Variants in STAMBPL1 observed in about 807,000 individuals in gnomAD.
STAMBPL1 encodes the protein AMSH-like protease.
In STAMBPL1, 44 loss-of-function variants were observed where a neutral mutation model predicts 52.9. The ratio of observed to expected loss-of-function variants is 0.83; its 90% CI spans 0.65 to 1.07. The LOEUF is 1.07. STAMBPL1 is among the 50% of genes least tolerant of loss of function. The pLI, the probability that STAMBPL1 is intolerant of heterozygous loss-of-function variation, is 0.00. For missense variants in STAMBPL1, 511 were observed against 520.8 expected, an observed-to-expected ratio of 0.98 and a Z score of 0.18; for synonymous variants, 164 against 177.3, an observed-to-expected ratio of 0.92 and a Z score of 0.60.
intron 1 of STAMBPL1, among the ~76,000 whole-genome samples, chr10:88,890,121 G>A (rs964954483): frequency 6.6e-6 from 1 of 152,198 alleles, no homozygotes; most frequent in Non-Finnish European, 1.5e-5. Context: ...AACTGAGGAT[G>A]GGGTGCCTTT....
rs193028730 is a variant in STAMBPL1 at position 88,896,079 on chromosome 10, A to T, written c.-53-5577A>T. 2.6e-4 allele frequency among the ~76,000 whole-genome samples: 39 copies of T among 152,338 alleles called. 1 individual carries two copies. Among genetic ancestry groups the T allele is most frequent in the Admixed American group, 2.4e-3 (36 of 15,300 alleles). ...CACCTGGCACCTAGTAAATGATAAT[A>T]TATAGTACTTACAAATATAGGGAAA... On this transcript the variant is annotated intron_variant, in intron 1 of 10. Coordinates refer to ENST00000371926, the MANE Select transcript of STAMBPL1 (RefSeq NM_020799.4).
chr10:88,908,655 A>T (rs751330354), intron 3 of STAMBPL1, 47 bp from the exon 4 acceptor site: 1 of 1,479,096 alleles, frequency 6.8e-7, no homozygotes. Flanking sequence ...AGCATTATTG[A>T]ACTTTTGCTG....
chr10:88,921,611 T>C (rs1305450614), intron 9 of STAMBPL1, among the ~76,000 whole-genome samples: 1 of 152,196 alleles, frequency 6.6e-6, no homozygotes, highest in Non-Finnish European at 1.5e-5. Flanking sequence ...TCAGTTAGCG[T>C]GACTTTGAAG....
intron 1 of STAMBPL1, among the ~76,000 whole-genome samples, chr10:88,882,297 G>A (rs1844425646): frequency 6.6e-6 from 1 of 152,224 alleles, no homozygotes; most frequent in Non-Finnish European, 1.5e-5. Flanking sequence ...TCCTGAGGAT[G>A]TCCTCAATAG....
chr10:88,899,635 TA>T (rs1420801333), intron 1 of STAMBPL1, among the ~76,000 whole-genome samples: 1 of 152,028 alleles, frequency 6.6e-6, no homozygotes, highest in Non-Finnish European at 1.5e-5. Context: ...TCAGCCTCCC[TA>T]GTAGCTGGGA....
At chr10:88,893,862 T>C (rs922386261) in intron 1 of STAMBPL1, 1 of 152,234 alleles carries the variant, frequency 6.6e-6, no homozygotes, top group African/African-American at 2.4e-5. Flanking sequence ...TTTTTCATTC[T>C]TGTCCAAGGC....
intron 1 of STAMBPL1, among the ~76,000 whole-genome samples, chr10:88,883,421 A>C (rs1362714598): frequency 6.6e-6 from 1 of 152,356 alleles, no homozygotes; most frequent in East Asian, 1.9e-4. Context: ...TATTCCACCT[A>C]TCTGAACATG....
At position 88,910,935 on chromosome 10, in the gene STAMBPL1, T is replaced by C. The variant is rs555689928; in HGVS notation, c.344T>C (p.Phe115Ser). ...DIMKKLKEIA[F>S]PRTDELKNDL... ...TAAAAGAAACTGAAGGAGATTGCAT[T>C]CCCAAGGACAGATGAATTGAAAAAC... Residue 115 changes from phenylalanine to serine, a missense_variant, in exon 5 of 11, where the codon TTC becomes TCC. Physicochemically the swap from Phe to Ser is radical, Grantham distance 155 (BLOSUM62 -2). Coordinates refer to ENST00000371926, the MANE Select transcript of STAMBPL1 (RefSeq NM_020799.4). 66 of 1,587,650 alleles carry C rather than the reference T, an allele frequency of 4.2e-5. No individual in the cohort carries two copies. In the South Asian group the frequency reaches 6.8e-4, roughly 16 times the overall value.
chr10:88,893,315 G>T (rs17113989), intron 1 of STAMBPL1, among the ~76,000 whole-genome samples: 13,810 of 152,182 alleles, frequency 0.091, 928 homozygotes, highest in South Asian at 0.31. Context: ...GCACAAAAAT[G>T]TAGAATTTAT....
At chr10:88,895,317 T>C (rs1417110693) in intron 1 of STAMBPL1, among the ~76,000 whole-genome samples, 1 of 152,248 alleles carries the variant, frequency 6.6e-6, no homozygotes, top group Admixed American at 6.5e-5. Context: ...ATTTGGTTAC[T>C]TGCCAACCAG....
intron 7 of STAMBPL1, 104 bp downstream of exon 7, chr10:88,914,762 A>T: frequency 2.3e-6 from 1 of 437,934 alleles, no homozygotes; most frequent in East Asian, 5.5e-5. Context: ...AACCATGCTA[A>T]GAGTTATCAA....
intron 1 of STAMBPL1, among the ~76,000 whole-genome samples, chr10:88,884,119 G>A (rs1269405665): frequency 6.6e-6 from 1 of 152,138 alleles, no homozygotes; most frequent in Non-Finnish European, 1.5e-5. Flanking sequence ...AAAGTCAAAT[G>A]AGATTCTCAA....
chr10:88,881,922 A>G (rs1012814006), intron 1 of STAMBPL1, among the ~76,000 whole-genome samples: 4 of 152,130 alleles, frequency 2.6e-5, no homozygotes, highest in Non-Finnish European at 4.4e-5. Context: ...CTTTTTGTTT[A>G]CCATTTGCAC....
chr10:88,921,803 C>A (rs775563990), intron 9 of STAMBPL1, among the ~76,000 whole-genome samples: 5 of 152,210 alleles, frequency 3.3e-5, no homozygotes, highest in Non-Finnish European at 5.9e-5. Flanking sequence ...ATATTGAAAT[C>A]CTGGCTCCAC....
In STAMBPL1 at chr10:88,901,343, A is replaced by C. The variant is rs1368846673; in HGVS notation, c.-53-313A>C. The C allele has an allele frequency of 1.8e-5, 3 of 169,286 alleles. No individual in the cohort carries two copies. The East Asian group carries it at 5.0e-4, about 28-fold the overall frequency. The allele number at this position is 169,286 out of a possible 1,614,324, so 10.5% of individuals were successfully genotyped here. ...AGTATTATCTTCTTTATTCCTTTGA[A>C]GAAAGCAAACCTACTTTATAACCTT... On this transcript the variant is annotated intron_variant, in intron 1 of 10. Coordinates refer to ENST00000371926, the MANE Select transcript of STAMBPL1 (RefSeq NM_020799.4).
chr10:88,917,630 T>A (rs939745711), intron 8 of STAMBPL1, among the ~76,000 whole-genome samples: 5 of 152,132 alleles, frequency 3.3e-5, no homozygotes, highest in Non-Finnish European at 7.4e-5. Context: ...CTCAGAAAAT[T>A]GTAACTGTTA....
chr10:88,894,368 G>C (rs1844760947), intron 1 of STAMBPL1, among the ~76,000 whole-genome samples: 1 of 143,172 alleles, frequency 7.0e-6, no homozygotes. Flanking sequence ...GTTTTATACA[G>C]GTTTTTTTTT....
At chr10:88,922,011 G>A (rs1392536285) in intron 9 of STAMBPL1, among the ~76,000 whole-genome samples, 1 of 152,180 alleles carries the variant, frequency 6.6e-6, no homozygotes, top group African/African-American at 2.4e-5. Context: ...AACATAATTA[G>A]AAGATTCGAA....
At chr10:88,888,104 TG>T (rs896645025) in intron 1 of STAMBPL1, among the ~76,000 whole-genome samples, 5 of 152,092 alleles carry the variant, frequency 3.3e-5, no homozygotes, top group Admixed American at 2.6e-4. Context: ...ACCACAGGGT[TG>T]GTGGGAATTT....
Sources: gnomAD v4.1 joint callset for allele counts (sites outside exome capture counted in the v4.1 genomes callset) on GRCh38, gnomAD v4.1.1 for gene constraint, MANE v1.5 for transcripts, NCBI Gene and HGNC (gene_info 2026-07-23, HGNC 2026-07-21) for gene names.